The following ZNF536 variants were observed in gnomAD, a reference collection of about 807,000 sequenced individuals.
ZNF536 encodes the protein zinc finger protein 536.
Under a neutral mutation model 84.5 loss-of-function variants are expected in ZNF536, and 13 were observed. The ratio of observed to expected loss-of-function variants is 0.15; its 90% confidence interval spans 0.10 to 0.24. The LOEUF (loss-of-function observed/expected upper bound fraction) is 0.24, where lower values mean the gene tolerates loss of function less well. Ranked by LOEUF, ZNF536 falls within the 10% of genes least tolerant of loss-of-function variation. ZNF536 has a pLI of 1.00. For missense variants in ZNF536, 1,536 were observed against 1,747.5 expected, an observed-to-expected ratio of 0.88 and a Z score of 2.16; for synonymous variants, 811 against 742.5, an observed-to-expected ratio of 1.09 and a Z score of -1.50.
chr19:30,256,698 G>A (rs1334514449), intron 1 of ZNF536, among the ~76,000 whole-genome samples: 1 of 152,116 alleles, frequency 6.6e-6, no homozygotes, highest in Admixed American at 6.5e-5. Context: ...GAGGAGAGAG[G>A]CTATTTGGGA....
intron 3 of ZNF536, among the ~76,000 whole-genome samples, chr19:30,361,045 G>C (rs1352235145): frequency 1.3e-5 from 2 of 152,140 alleles, no homozygotes; most frequent in Non-Finnish European, 2.9e-5. Context: ...GACAGATAGT[G>C]CCTGACAACT....
At position 30,415,432 on chromosome 19, in the gene ZNF536, C is replaced by T. The variant is rs538380784; in HGVS notation, c.-2-28129C>T. Among the ~76,000 whole-genome samples, 7 of 145,768 alleles carry T rather than the reference C, an allele frequency of 4.8e-5. No individual in the cohort carries two copies. The South Asian group carries it at 1.5e-3, about 32-fold the overall frequency. On this transcript the variant is annotated intron_variant, in intron 1 of 4. Transcript: ENST00000355537. Reference sequence around the variant, plus strand: ...TTTTTCCTTCTAGCATTGTTTTTTCCACTTTCTTTCTGGAGGTTGGAGGTC... The same window carrying T: ...TTTTTCCTTCTAGCATTGTTTTTTCTACTTTCTTTCTGGAGGTTGGAGGTC...
At position 30,445,789 on chromosome 19, in the gene ZNF536, G is replaced by T; in HGVS notation, c.2170+57G>T. On this transcript the variant is annotated intron_variant, in intron 2 of 4. Transcript: ENST00000355537. This position sits in a 1 kb window ranked among gnomAD's most constrained non-coding sequence, Gnocchi z 4.5. ...TTGTACAGCAGCCCTGCTCAGGGCT[G>T]CCTGGTTCTGCTCCCAGGCCTCCAG... 3 of 1,509,006 alleles carry T rather than the reference G, an allele frequency of 2.0e-6. No homozygotes were observed. The highest frequency in any genetic ancestry group is 2.7e-6 in the Non-Finnish European group (3 of 1,130,578). 93.5% of individuals were successfully genotyped at this position (1,509,006 alleles called of 1,614,324 possible). A position where few individuals can be genotyped will look rare whatever the true frequency, so the allele number is the denominator to read the frequency against.
Position 30,436,382 on chromosome 19 carries a change from T to C in ZNF536, c.-2-7179T>C, listed in dbSNP as rs533581446. On this transcript the variant is annotated intron_variant, in intron 1 of 4. Coordinates refer to ENST00000355537, the MANE Select transcript of ZNF536 (RefSeq NM_014717.3). ...GTTCATCTATTAATCATCTGGCAAA[T>C]AAACCACTCAGTATCCTGCCCACCC... 1.5e-4 allele frequency: 79 copies of C among 512,812 alleles called. 1 individual carries two copies. The South Asian group carries it at 6.1e-3, about 39-fold the overall frequency. The allele number at this position is 512,812 out of a possible 1,614,324, so 31.8% of individuals were successfully genotyped here. A position where few individuals can be genotyped will look rare whatever the true frequency, so the allele number is the denominator to read the frequency against.
intron 2 of ZNF536, among the ~76,000 whole-genome samples, chr19:30,512,762 G>A (rs2055467414): frequency 6.6e-6 from 1 of 152,198 alleles, no homozygotes. Context: ...ATGCAGTGCT[G>A]TTTAATGATA....
intron 2 of ZNF536, among the ~76,000 whole-genome samples, chr19:30,521,833 T>C (rs73024895): frequency 0.097 from 14,699 of 152,142 alleles, 981 homozygotes; most frequent in Non-Finnish European, 0.15. Flanking sequence ...GTGGCCTGAC[T>C]TATAATCAAG....
At chr19:30,515,685 C>G (rs1171740272) in intron 2 of ZNF536, among the ~76,000 whole-genome samples, 2 of 152,110 alleles carry the variant, frequency 1.3e-5, no homozygotes, top group Non-Finnish European at 2.9e-5. Context: ...TCCTGGCCTT[C>G]CTCTTCTTAA....
chr19:30,234,959 C>T (rs752411905), intron 1 of ZNF536, among the ~76,000 whole-genome samples: 9 of 152,098 alleles, frequency 5.9e-5, no homozygotes, highest in African/African-American at 9.7e-5. Flanking sequence ...AGTACCAGAT[C>T]GTAGGACCCT....
Position 30,445,208 on chromosome 19 carries a change from A to G in ZNF536, c.1646A>G (p.Glu549Gly), listed in dbSNP as rs773741096. 1.9e-6 allele frequency: 3 copies of G among 1,614,036 alleles called. No homozygotes were observed. The highest frequency in any genetic ancestry group is 1.7e-6 in the Non-Finnish European group (2 of 1,180,034). The change falls in exon 2 of 5, where the codon GAA (glutamate) becomes GGA (glycine). Residue 549 changes from glutamate (E) to glycine (G), a missense_variant. Physicochemically the swap from Glu to Gly is moderately conservative, Grantham distance 98. Transcript: ENST00000355537. The surrounding 1 kb of genome is among the most constrained non-coding windows in gnomAD (Gnocchi z 4.5). Reference protein sequence around the residue: ...SKEHPLQRNHEDTLANAGVLF... With the variant: ...SKEHPLQRNHGDTLANAGVLF... ...GAGCATCCGCTGCAGCGCAACCACGAAGACACTTTGGCAAACGCCGGGGTT... is the reference window on the plus strand; with the variant it reads ...GAGCATCCGCTGCAGCGCAACCACGGAGACACTTTGGCAAACGCCGGGGTT...
At chr19:30,420,648 G>T (rs1264251865) in intron 1 of ZNF536, among the ~76,000 whole-genome samples, 1 of 151,808 alleles carries the variant, frequency 6.6e-6, no homozygotes, top group Non-Finnish European at 1.5e-5. Flanking sequence ...TTTTACAAAA[G>T]AAAATCCTAA....
intron 2 of ZNF536, among the ~76,000 whole-genome samples, chr19:30,475,255 T>C (rs1456905482): frequency 1.3e-5 from 2 of 152,060 alleles, no homozygotes; most frequent in African/African-American, 2.4e-5. Flanking sequence ...TAATTTTTTG[T>C]AGTTTTAGTA....
chr19:30,403,250 G>T (rs1034426357), intron 1 of ZNF536, among the ~76,000 whole-genome samples: 1 of 152,184 alleles, frequency 6.6e-6, no homozygotes, highest in Non-Finnish European at 1.5e-5. Context: ...CAGTCAGAGG[G>T]TCTGCATTCT....
intron 1 of ZNF536, among the ~76,000 whole-genome samples, chr19:30,247,487 GTTC>G (rs1403434955): frequency 6.6e-6 from 1 of 152,142 alleles, no homozygotes; most frequent in Non-Finnish European, 1.5e-5. Context: ...ACCCTTCCCA[GTTC>G]TTCTCTGATG....
intron 2 of ZNF536, among the ~76,000 whole-genome samples, chr19:30,479,614 C>T (rs938990060): frequency 1.3e-5 from 2 of 152,244 alleles, no homozygotes; most frequent in Non-Finnish European, 2.9e-5. Context: ...CAGGGGCCCT[C>T]ACGCACACCC....
At chr19:30,589,969 G>A (rs1183295269) in intron 1 of ZNF536, among the ~76,000 whole-genome samples, 1 of 152,270 alleles carries the variant, frequency 6.6e-6, no homozygotes, top group East Asian at 1.9e-4. Flanking sequence ...TATCCCCAGA[G>A]GATCATCTTT....
chr19:30,247,596 G>A (rs920660023), intron 1 of ZNF536, among the ~76,000 whole-genome samples: 3 of 152,166 alleles, frequency 2.0e-5, no homozygotes, highest in Non-Finnish European at 4.4e-5. Context: ...TGGGAAGATG[G>A]ATTGAGCCTA....
exon 2 of ZNF536, chr19:30,711,599 C>G (rs866445005): frequency 1.1e-4 from 16 of 152,258 alleles, no homozygotes; most frequent in South Asian, 2.1e-4. Context: ...CGGGGCTGAC[C>G]GGCACTGCAG....
At chr19:30,709,893 A>C (rs540081790) in intron 1 of ZNF536, among the ~76,000 whole-genome samples, 16 of 152,332 alleles carry the variant, frequency 1.1e-4, no homozygotes, top group African/African-American at 3.8e-4. Flanking sequence ...TTGGGATTCC[A>C]GGCGTGAGCC....
Position 30,467,853 on chromosome 19 carries a change from C to A in ZNF536, c.2170+22121C>A, listed in dbSNP as rs187490958. Among the ~76,000 whole-genome samples the A allele has an allele frequency of 5.9e-5, 9 of 152,372 alleles. No individual in the cohort carries two copies. The East Asian group carries it at 1.7e-3, about 29-fold the overall frequency. ...ACCCTGAGGGGGTCACAGCCCTTTC[C>A]ACAGCACCTGGAGCAGAGGCACCCT... On this transcript the variant is annotated intron_variant, in intron 2 of 4. Coordinates refer to ENST00000355537, the MANE Select transcript of ZNF536 (RefSeq NM_014717.3).
Sources: gnomAD v4.1 joint callset for allele counts (sites outside exome capture counted in the v4.1 genomes callset) on GRCh38, gnomAD v4.1.1 for gene constraint, Gnocchi (gnomAD v3.1) non-coding constraint, MANE v1.5 for transcripts, NCBI Gene and HGNC (gene_info 2026-07-23, HGNC 2026-07-21) for gene names.